TNS3: variants seen among roughly 807,000 people sequenced by gnomAD.
The protein encoded by TNS3 is tensin-3.
A neutral mutation model predicts 140.9 loss-of-function variants in TNS3; 45 were observed. The ratio of observed to expected loss-of-function variants is 0.32; its 90% CI spans 0.25 to 0.41. TNS3 has a LOEUF of 0.41. TNS3 is among the 10% of genes least tolerant of loss of function. TNS3 has a pLI of 1.00. For synonymous variants in TNS3, 815 were observed against 788.4 expected (o/e 1.03, Z -0.56); for missense variants, 1,716 against 1,906.7 (o/e 0.90, Z 1.86).
intron 1 of TNS3, among the ~76,000 whole-genome samples, chr7:47,575,518 T>C (rs1004343038): frequency 1.2e-4 from 18 of 152,080 alleles, no homozygotes; most frequent in Admixed American, 8.5e-4. Flanking sequence ...AAAAGCAAAT[T>C]AAGAAGCAAA....
intron 20 of TNS3, among the ~76,000 whole-genome samples, chr7:47,338,586 CT>C (rs1204589630): frequency 1.3e-5 from 2 of 151,872 alleles, no homozygotes; most frequent in African/African-American, 4.8e-5. Flanking sequence ...TTAATTTCAA[CT>C]TTTATTTTAA....
chr7:47,453,686 A>G (rs762766589), intron 4 of TNS3, among the ~76,000 whole-genome samples: 7 of 152,262 alleles, frequency 4.6e-5, no homozygotes, highest in Non-Finnish European at 8.8e-5. Flanking sequence ...AAGGAAAGGT[A>G]TGCAGCGAAA....
chr7:47,424,043 T>C, intron 10 of TNS3, 58 bp downstream of exon 10: 6 of 1,560,104 alleles, frequency 3.8e-6, no homozygotes, highest in Middle Eastern at 1.7e-4. Context: ...TGTTTTCACA[T>C]TTTTATATGT....
At chr7:47,393,896 C>G (rs1247452875) in intron 16 of TNS3, among the ~76,000 whole-genome samples, 1 of 152,100 alleles carries the variant, frequency 6.6e-6, no homozygotes, top group South Asian at 2.1e-4. Context: ...CCACTCCCAA[C>G]TGGCTCCATC....
At position 47,389,154 on chromosome 7, in the gene TNS3, A is replaced by AAGAAGAAGC. The variant is rs1340201271; in HGVS notation, c.1024+7645_1024+7646insGCTTCTTCT. Among the ~76,000 whole-genome samples the AAGAAGAAGC allele has an allele frequency of 3.5e-4, 29 of 82,296 alleles. 11 individuals carry two copies. The East Asian group carries it at 4.3e-3, about 12-fold the overall frequency. 54.0% of individuals were successfully genotyped at this position (82,296 alleles called of 152,430 possible). The stretch of plus-strand genomic sequence containing the variant: ...GAAGAAGAAGAAGAAGAAGAAGAAG[A>AAGAAGAAGC]AGCAGAAGAAGCAGCAGAAGCAGAA... On this transcript the variant is annotated intron_variant, in intron 16 of 30. Coordinates refer to ENST00000311160, the MANE Select transcript of TNS3 (RefSeq NM_022748.12).
At chr7:47,566,650 G>T (rs1800434032) in intron 1 of TNS3, among the ~76,000 whole-genome samples, 1 of 152,184 alleles carries the variant, frequency 6.6e-6, no homozygotes. Flanking sequence ...TGTTAAAATG[G>T]CTGAAAGTTG....
intron 2 of TNS3, among the ~76,000 whole-genome samples, chr7:47,507,719 GCAGGC>G (rs1268607887): frequency 6.6e-6 from 1 of 152,196 alleles, no homozygotes; most frequent in Non-Finnish European, 1.5e-5. Flanking sequence ...CATGCTGCAG[GCAGGC>G]CTTGCAGGAC....
At chr7:47,408,029 T>C (rs2151386921) in intron 13 of TNS3, among the ~76,000 whole-genome samples, 1 of 152,186 alleles carries the variant, frequency 6.6e-6, no homozygotes, top group African/African-American at 2.4e-5. Flanking sequence ...AAGAGGCGGC[T>C]GGCGGGTTCC....
chr7:47,342,867 T>A (rs140881236), intron 20 of TNS3, among the ~76,000 whole-genome samples: 2 of 152,286 alleles, frequency 1.3e-5, no homozygotes, highest in Non-Finnish European at 2.9e-5. Flanking sequence ...CTTTGCAGAG[T>A]GGGTGGGGCC....
At chr7:47,400,724 C>T in intron 14 of TNS3, 61 bp downstream of exon 14, 1 of 1,592,230 alleles carries the variant, frequency 6.3e-7, no homozygotes, top group Non-Finnish European at 8.6e-7. Context: ...GTGAAAGAAT[C>T]AACCAAGGAG....
Position 47,545,730 on chromosome 7 carries a change from A to G in TNS3, c.-264-16583T>C, listed in dbSNP as rs976167356. ...TTTCTTCCTGACCGAAAATGCCCCA[A>G]CATTGCCTGACTTAGATCAGAAAAT... On this transcript the variant is annotated intron_variant, in intron 1 of 30. Transcript: ENST00000311160. Among the ~76,000 whole-genome samples, 5 of 152,270 alleles carry G rather than the reference A, an allele frequency of 3.3e-5. 1 individual carries two copies. Among genetic ancestry groups the G allele is most frequent in the African/African-American group, 1.2e-4 (5 of 41,554 alleles).
chr7:47,546,371 C>T (rs1401968259), intron 1 of TNS3, among the ~76,000 whole-genome samples: 1 of 152,134 alleles, frequency 6.6e-6, no homozygotes, highest in African/African-American at 2.4e-5. Context: ...GGACTGAGCT[C>T]CCAGGACCTG....
chr7:47,460,345 C>G (rs1247140478), intron 4 of TNS3, among the ~76,000 whole-genome samples: 1 of 152,150 alleles, frequency 6.6e-6, no homozygotes, highest in African/African-American at 2.4e-5. Context: ...AGAATCCAAC[C>G]CTGCAGACAC....
chr7:47,325,825 A>G (rs1279607621), intron 20 of TNS3, among the ~76,000 whole-genome samples: 2 of 152,206 alleles, frequency 1.3e-5, no homozygotes, highest in Non-Finnish European at 2.9e-5. Context: ...TCCTACATCA[A>G]CTAGGCAGCT....
intron 17 of TNS3, among the ~76,000 whole-genome samples, chr7:47,358,733 T>C (rs1046259384): frequency 6.6e-5 from 10 of 152,148 alleles, no homozygotes; most frequent in Non-Finnish European, 8.8e-5. Context: ...TGTGGCATGA[T>C]TGGAAAAAGA....
At chr7:47,341,306 G>A (rs139403869) in intron 20 of TNS3, among the ~76,000 whole-genome samples, 3 of 152,302 alleles carry the variant, frequency 2.0e-5, no homozygotes, top group East Asian at 1.9e-4. Flanking sequence ...AAGGTATTGC[G>A]TAGAATCAGT....
chr7:47,563,257 T>C (rs988915843), intron 1 of TNS3, among the ~76,000 whole-genome samples: 1 of 152,140 alleles, frequency 6.6e-6, no homozygotes, highest in Non-Finnish European at 1.5e-5. Flanking sequence ...ACGACAAAGA[T>C]CTAAAGTCCA....
At chr7:47,396,732 A>G (rs921141501) in intron 16 of TNS3, 68 bp downstream of exon 16, 30 of 1,315,694 alleles carry the variant, frequency 2.3e-5, no homozygotes, top group Non-Finnish European at 2.9e-5. Context: ...AATACTTCAG[A>G]TATTTGAGTG....
chr7:47,526,678 T>C (rs334525), intron 2 of TNS3, among the ~76,000 whole-genome samples: 44,259 of 152,136 alleles, frequency 0.29, 7,580 homozygotes, highest in East Asian at 0.43. Flanking sequence ...CAACTTTGCC[T>C]GGGACGTCAT....
Sources: gnomAD v4.1 joint callset for allele counts (sites outside exome capture counted in the v4.1 genomes callset) on GRCh38, gnomAD v4.1.1 for gene constraint, MANE v1.5 for transcripts, NCBI Gene and HGNC (gene_info 2026-07-23, HGNC 2026-07-21) for gene names.